Variants in NRXN1 observed in about 807,000 individuals in gnomAD.
NRXN1 encodes neurexin 1, also known as neurexin-1.
NRXN1 carries 39 observed loss-of-function variants against 150.9 expected under a neutral mutation model. The ratio of observed to expected loss-of-function variants is 0.26; its 90% CI spans 0.20 to 0.34. The LOEUF is 0.34. Ranked by LOEUF, NRXN1 falls within the 10% of genes least tolerant of loss-of-function variation. The pLI is 1.00. For missense variants in NRXN1, 1,815 were observed against 1,949.9 expected (o/e 0.93, Z 1.30); for synonymous variants, 924 against 757.0 (o/e 1.22, Z -3.62).
chr2:50,401,230 T>C (rs1252175824), intron 17 of NRXN1, among the ~76,000 whole-genome samples: 1 of 152,166 alleles, frequency 6.6e-6, no homozygotes, highest in African/African-American at 2.4e-5. Flanking sequence ...GTTTCTAAAA[T>C]GGAAATATTT....
At chr2:50,382,776 C>T (rs2081063342) in intron 17 of NRXN1, among the ~76,000 whole-genome samples, 1 of 152,116 alleles carries the variant, frequency 6.6e-6, no homozygotes, top group Admixed American at 6.6e-5. Context: ...AGTGGGAAGA[C>T]AGACATACGG....
intron 8 of NRXN1, among the ~76,000 whole-genome samples, chr2:50,613,276 C>A (rs902564899): frequency 2.0e-5 from 3 of 152,142 alleles, no homozygotes; most frequent in Non-Finnish European, 4.4e-5. Flanking sequence ...GAATACAGCA[C>A]AGAGAAGCTA....
At chr2:50,974,730 A>T (rs974097718) in intron 2 of NRXN1, among the ~76,000 whole-genome samples, 14 of 152,008 alleles carry the variant, frequency 9.2e-5, no homozygotes, top group African/African-American at 3.1e-4. Flanking sequence ...AAATAAATCT[A>T]GCGTAATTGC....
chr2:50,418,665 G>C (rs971300565), intron 17 of NRXN1, among the ~76,000 whole-genome samples: 4 of 151,806 alleles, frequency 2.6e-5, no homozygotes, highest in Non-Finnish European at 4.4e-5. Flanking sequence ...GAACTCCCTT[G>C]GTATTGAGCA....
At chr2:50,122,541 CGGTTGTGAA>C (rs1181679031) in intron 18 of NRXN1, among the ~76,000 whole-genome samples, 2 of 152,186 alleles carry the variant, frequency 1.3e-5, no homozygotes, top group Admixed American at 1.3e-4. Flanking sequence ...CTTTGTTTGG[CGGTTGTGAA>C]GACATTTCAG....
chr2:50,063,911 C>G (rs1694952094), intron 19 of NRXN1, among the ~76,000 whole-genome samples: 1 of 151,942 alleles, frequency 6.6e-6, no homozygotes, highest in Admixed American at 6.6e-5. Context: ...TACAGTTATG[C>G]AAAAAATACC....
At chr2:50,405,070 T>G (rs1453176032) in intron 17 of NRXN1, among the ~76,000 whole-genome samples, 2 of 152,100 alleles carry the variant, frequency 1.3e-5, no homozygotes, top group East Asian at 1.9e-4. Context: ...GAGGGGAGCT[T>G]AAAAATGACA....
At chr2:50,874,121 C>T (rs1330806023) in intron 5 of NRXN1, among the ~76,000 whole-genome samples, 1 of 151,862 alleles carries the variant, frequency 6.6e-6, no homozygotes, top group Non-Finnish European at 1.5e-5. Context: ...CCAAAGTCAT[C>T]AACAAAGTCT....
intron 2 of NRXN1, among the ~76,000 whole-genome samples, chr2:50,985,062 G>C (rs1296142405): frequency 6.6e-6 from 1 of 151,836 alleles, no homozygotes; most frequent in Non-Finnish European, 1.5e-5. Context: ...AGATCCAGAA[G>C]AGTGCTAGAA....
chr2:50,837,212 T>C (rs1353544446), intron 5 of NRXN1, among the ~76,000 whole-genome samples: 1 of 152,150 alleles, frequency 6.6e-6, no homozygotes, highest in South Asian at 2.1e-4. Flanking sequence ...CAACAAGTAG[T>C]GTTATCTACT....
chr2:50,317,352 A>G (rs1017905490), intron 17 of NRXN1, among the ~76,000 whole-genome samples: 2 of 152,012 alleles, frequency 1.3e-5, no homozygotes, highest in African/African-American at 4.8e-5. Context: ...ATGCAAGGAA[A>G]GAGATCTTTA....
intron 8 of NRXN1, among the ~76,000 whole-genome samples, chr2:50,597,814 CCT>C (rs766820050): frequency 4.6e-5 from 7 of 152,140 alleles, no homozygotes; most frequent in Non-Finnish European, 7.4e-5. Flanking sequence ...TGAGTCTCCC[CCT>C]GTCTGTCTTC....
At chr2:50,500,891 G>C (rs2104947099) in intron 13 of NRXN1, among the ~76,000 whole-genome samples, 1 of 152,238 alleles carries the variant, frequency 6.6e-6, no homozygotes, top group East Asian at 1.9e-4. Context: ...CTGATTGTGT[G>C]GTATATGTGT....
chr2:50,208,556 C>T (rs962888524), intron 18 of NRXN1, among the ~76,000 whole-genome samples: 9 of 152,036 alleles, frequency 5.9e-5, no homozygotes, highest in South Asian at 4.1e-4. Flanking sequence ...CTCCATTTCT[C>T]GGATTATTTT....
chr2:50,103,820 C>T (rs982799566), intron 18 of NRXN1, among the ~76,000 whole-genome samples: 5 of 151,766 alleles, frequency 3.3e-5, no homozygotes, highest in South Asian at 2.1e-4. Flanking sequence ...TAAAGACAGC[C>T]GAAGGAATAA....
intron 15 of NRXN1, among the ~76,000 whole-genome samples, chr2:50,482,228 A>C (rs1318168589): frequency 6.6e-6 from 1 of 152,174 alleles, no homozygotes; most frequent in Admixed American, 6.5e-5. Flanking sequence ...GGAAATAATA[A>C]AGTGAAATTG....
At chr2:50,709,346 CA>C (rs1479985374) in intron 5 of NRXN1, among the ~76,000 whole-genome samples, 1 of 152,000 alleles carries the variant, frequency 6.6e-6, no homozygotes, top group Non-Finnish European at 1.5e-5. Flanking sequence ...GTACAGTTAC[CA>C]AAAATTACCA....
intron 10 of NRXN1, among the ~76,000 whole-genome samples, chr2:50,535,883 T>A (rs2093245694): frequency 6.6e-6 from 1 of 152,188 alleles, no homozygotes; most frequent in Non-Finnish European, 1.5e-5. Context: ...TTACTTTGAA[T>A]AATTATTTTC....
chr2:50,611,319 T>G (rs921946683), intron 8 of NRXN1, among the ~76,000 whole-genome samples: 1 of 152,196 alleles, frequency 6.6e-6, no homozygotes, highest in African/African-American at 2.4e-5. Flanking sequence ...CAATTCATTA[T>G]GCCAACTGCT....
Sources: allele counts gnomAD v4.1 joint callset (sites outside exome capture counted in the v4.1 genomes callset), GRCh38; gene constraint gnomAD v4.1.1; transcripts MANE v1.5; gene names NCBI Gene and HGNC (gene_info 2026-07-23, HGNC 2026-07-21).